Variants in ZZZ3 observed in about 807,000 individuals in gnomAD.
The protein encoded by ZZZ3 is zinc finger ZZ-type containing 3, also known as ZZ-type zinc finger-containing protein 3.
In ZZZ3, 22 loss-of-function variants were observed where a neutral mutation model predicts 95.2. The observed-to-expected ratio is 0.23, with a 90% confidence interval of 0.17 to 0.33. The LOEUF is 0.33. Ranked by LOEUF, ZZZ3 falls within the 10% of genes least tolerant of loss-of-function variation. ZZZ3 has a pLI of 1.00. For missense variants in ZZZ3, 885 were observed against 1,066.5 expected (o/e 0.83, Z 2.37); for synonymous variants, 335 against 358.9 (o/e 0.93, Z 0.75).
chr1:77,591,113 C>A (rs1663643806), intron 5 of ZZZ3, among the ~76,000 whole-genome samples: 1 of 152,176 alleles, frequency 6.6e-6, no homozygotes. Context: ...CCTCATTAAA[C>A]ATACTGAAAA....
Position 77,572,050 on chromosome 1 carries a change from C to T in ZZZ3, c.2332-3584G>A, listed in dbSNP as rs41430548. ...TGGAGCTAAAACTGTATACAGATTTCGAAGCCACGGGTAAATAACATGTAA... is the reference window on the plus strand; with the variant it reads ...TGGAGCTAAAACTGTATACAGATTTTGAAGCCACGGGTAAATAACATGTAA... On this transcript the variant is annotated intron_variant, in intron 12 of 14. Coordinates refer to ENST00000370801, the MANE Select transcript of ZZZ3 (RefSeq NM_015534.6). 9.5e-3 allele frequency among the ~76,000 whole-genome samples: 1,445 copies of T among 152,216 alleles called. 33 individuals carry two copies. Among genetic ancestry groups the T allele is most frequent in the African/African-American group, 0.033 (1,383 of 41,520 alleles).
In ZZZ3 at chr1:77,576,159, A is replaced by C. The variant is rs1334000269; in HGVS notation, c.2240T>G (p.Met747Arg). The C allele has an allele frequency of 6.2e-7, 1 of 1,613,636 alleles. No individual in the cohort carries two copies. The highest frequency in any genetic ancestry group is 1.3e-5 in the African/African-American group (1 of 74,904). ...NKHLFKPSTF[M>R]TSHEPPVYMD... Reference sequence around the variant, plus strand: ...ATACACTGGCGGTTCATGTGAAGTCATGAAAGTGGAAGGCTTAAAGAGATG... The same window carrying C: ...ATACACTGGCGGTTCATGTGAAGTCCTGAAAGTGGAAGGCTTAAAGAGATG... Residue 747 changes from methionine (M) to arginine (R), a missense_variant, in exon 12 of 15, where the codon ATG (methionine) becomes AGG (arginine). Transcript: ENST00000370801.
intron 1 of ZZZ3, among the ~76,000 whole-genome samples, chr1:77,680,599 C>CA (rs1672663242): frequency 6.6e-6 from 1 of 152,100 alleles, no homozygotes; most frequent in Non-Finnish European, 1.5e-5. Flanking sequence ...GGGGAAATTA[C>CA]AAAAACAACA....
chr1:77,580,990 TTTA>T lies in ZZZ3; in HGVS notation c.1980+5_1980+7del, dbSNP rs1557695744. On this transcript the variant is annotated splice_donor_5th_base_variant and intron_variant, in intron 9 of 14. Coordinates refer to ENST00000370801, the MANE Select transcript of ZZZ3 (RefSeq NM_015534.6). The stretch of plus-strand genomic sequence containing the variant: ...TTTAAGCCTACACGATTTTGAAATA[TTTA>T]TTACCTGTTCTTCAACAGTCCACAA... 5.0e-6 allele frequency: 8 copies of T among 1,612,420 alleles called. No homozygotes were observed. The highest frequency in any genetic ancestry group is 6.8e-6 in the Non-Finnish European group (8 of 1,178,418).
chr1:77,570,681 T>TTA (rs1557685973), intron 12 of ZZZ3, among the ~76,000 whole-genome samples: 18 of 149,918 alleles, frequency 1.2e-4, no homozygotes, highest in South Asian at 8.4e-4. Flanking sequence ...TATTATTATT[T>TTA]TTTTGAGAGA....
At chr1:77,602,302 C>A (rs970992286) in intron 5 of ZZZ3, among the ~76,000 whole-genome samples, 5 of 152,144 alleles carry the variant, frequency 3.3e-5, no homozygotes, top group Admixed American at 3.3e-4. Flanking sequence ...AAAGGTGCAG[C>A]TGTAACAAAA....
intron 1 of ZZZ3, among the ~76,000 whole-genome samples, chr1:77,643,276 G>A (rs757333806): frequency 1.3e-5 from 2 of 152,096 alleles, no homozygotes; most frequent in Non-Finnish European, 1.5e-5. Context: ...CAAAACTCTT[G>A]TAGCCCCTGT....
chr1:77,641,299 G>A (rs1165299976), intron 3 of ZZZ3, 85 bp downstream of exon 3: 1 of 349,306 alleles, frequency 2.9e-6, no homozygotes, highest in Non-Finnish European at 5.1e-6. Flanking sequence ...TATTTGAATA[G>A]AGTTCACTAT....
intron 5 of ZZZ3, among the ~76,000 whole-genome samples, chr1:77,609,514 T>G (rs1299781482): frequency 6.6e-6 from 1 of 152,156 alleles, no homozygotes; most frequent in Non-Finnish European, 1.5e-5. Flanking sequence ...AACAGCAGAC[T>G]TAATCTGCAC....
At position 77,631,970 on chromosome 1, in the gene ZZZ3, T is replaced by C; in HGVS notation, c.1385A>G (p.Asn462Ser). ...TTTGGCAGATGGCAAATGTCCAATA[T>C]TGAGTCTTGCCTCTGAGGGTGGTTT... Reference protein sequence around the residue: ...VSKPPSEARLNIGHLPSAKES... With the variant: ...VSKPPSEARLSIGHLPSAKES... Residue 462 changes from asparagine (N) to serine (S), a missense_variant, in exon 5 of 15, where the codon AAT (asparagine) becomes AGT (serine). Transcript: ENST00000370801. 6.2e-7 allele frequency: 1 copy of C among 1,614,160 alleles called. No homozygotes were observed. The highest frequency in any genetic ancestry group is 8.5e-7 in the Non-Finnish European group (1 of 1,179,996).
In ZZZ3 at chr1:77,622,080, G is replaced by A. The variant is rs191582951; in HGVS notation, c.1505+9770C>T. On this transcript the variant is annotated intron_variant, in intron 5 of 14. Transcript: ENST00000370801. ...AATCCCAACACTTTGGGAGGCCGAG[G>A]AAAGAGGCCAGGAGTTCAAAACTAG... Among the ~76,000 whole-genome samples the A allele has an allele frequency of 2.9e-3, 433 of 146,914 alleles. 3 individuals are homozygous for A. The highest frequency in any genetic ancestry group is 4.3e-3 in the Non-Finnish European group (290 of 67,336).
intron 1 of ZZZ3, among the ~76,000 whole-genome samples, chr1:77,678,072 C>T (rs1672428096): frequency 6.6e-6 from 1 of 152,136 alleles, no homozygotes; most frequent in Non-Finnish European, 1.5e-5. Context: ...AAAAACCTGG[C>T]ACCTTAGGAC....
chr1:77,593,853 C>T (rs1040905297), intron 5 of ZZZ3, among the ~76,000 whole-genome samples: 9 of 152,088 alleles, frequency 5.9e-5, no homozygotes, highest in African/African-American at 2.2e-4. Context: ...GCTCTACCAG[C>T]AACTAACCAT....
chr1:77,676,134 A>AG (rs1187820582), intron 1 of ZZZ3, among the ~76,000 whole-genome samples: 1 of 152,190 alleles, frequency 6.6e-6, no homozygotes, highest in Non-Finnish European at 1.5e-5. Flanking sequence ...CTGCCAAAGT[A>AG]GTTTTACTCC....
intron 1 of ZZZ3, among the ~76,000 whole-genome samples, chr1:77,674,118 C>T (rs1307440875): frequency 6.6e-6 from 1 of 150,796 alleles, no homozygotes; most frequent in Admixed American, 6.6e-5. Flanking sequence ...GTCATTAAAA[C>T]ACAAAAAAAG....
rs1465626966 is a variant in ZZZ3, at chr1:77,566,199, A to G, written c.2467-18T>C. ...TTATCACACTATAACAGATTCAGAG[A>G]GAAAATGTATTAAGTTATACTGTTC... On this transcript the variant is annotated intron_variant, in intron 13 of 14. Transcript: ENST00000370801. 6.4e-7 allele frequency: 1 copy of G among 1,557,044 alleles called. No homozygotes were observed. Among genetic ancestry groups the G allele is most frequent in the Non-Finnish European group, 8.8e-7 (1 of 1,135,520 alleles).
chr1:77,632,891 G>T lies in ZZZ3; in HGVS notation c.464C>A (p.Ala155Glu). Residue 155 changes from alanine to glutamate, a missense_variant, in exon 5 of 15, where the codon GCA (alanine) becomes GAA (glutamate). Transcript: ENST00000370801. ...EQRSTVVDND[A>E]DFQGTKRACR... ...AGCTCGTTTAGTCCCTTGAAAATCT[G>T]CATCATTGTCCACTACTGTACTCCT... is the stretch of plus-strand genomic sequence containing the variant. The T allele has an allele frequency of 6.2e-7, 1 of 1,614,130 alleles. No homozygotes were observed. The highest frequency in any genetic ancestry group is 8.5e-7 in the Non-Finnish European group (1 of 1,180,022).
chr1:77,604,167 G>A (rs983606458), intron 5 of ZZZ3, among the ~76,000 whole-genome samples: 4 of 152,182 alleles, frequency 2.6e-5, no homozygotes, highest in African/African-American at 9.7e-5. Context: ...TAGAGATATT[G>A]TAGTGGGACG....
At chr1:77,682,272 G>C (rs1672846550) in intron 1 of ZZZ3, among the ~76,000 whole-genome samples, 1 of 152,170 alleles carries the variant, frequency 6.6e-6, no homozygotes, top group South Asian at 2.1e-4. Flanking sequence ...TTAGAAAATG[G>C]CAAGAAGGGA....
Sources: gnomAD v4.1 joint callset for allele counts (sites outside exome capture counted in the v4.1 genomes callset) on GRCh38, gnomAD v4.1.1 for gene constraint, MANE v1.5 for transcripts, NCBI Gene and HGNC (gene_info 2026-07-23, HGNC 2026-07-21) for gene names.